Variants in PDE4B observed in about 807,000 individuals in gnomAD.
The protein encoded by PDE4B is 3',5'-cyclic-AMP phosphodiesterase 4B.
A neutral mutation model predicts 82.2 loss-of-function variants in PDE4B; 20 were observed. The ratio of observed to expected loss-of-function variants is 0.24; its 90% CI spans 0.17 to 0.35. The LOEUF (loss-of-function observed/expected upper bound fraction) is 0.35. Ranked by LOEUF, PDE4B falls within the 10% of genes least tolerant of loss-of-function variation. The probability of loss-of-function intolerance (pLI) is 1.00; values close to 1 mark genes in which losing one functional copy is unlikely to be tolerated. For synonymous variants in PDE4B, 320 were observed against 318.9 expected (o/e 1.00, Z -0.04); for missense variants, 655 against 907.2 (o/e 0.72, Z 3.57).
chr1:66,141,454 G>A (rs942791762), intron 3 of PDE4B, among the ~76,000 whole-genome samples: 2 of 149,814 alleles, frequency 1.3e-5, no homozygotes, highest in Non-Finnish European at 3.0e-5. Flanking sequence ...TCTTATAGAA[G>A]TAATTTGTTT....
chr1:66,317,999 G>T (rs1365353947), intron 7 of PDE4B, among the ~76,000 whole-genome samples: 1 of 152,176 alleles, frequency 6.6e-6, no homozygotes, highest in East Asian at 1.9e-4. Context: ...TGTGGTTATT[G>T]CCAAACCTGG....
intron 1 of PDE4B, among the ~76,000 whole-genome samples, chr1:65,828,796 T>A (rs1646048203): frequency 6.6e-6 from 1 of 152,070 alleles, no homozygotes; most frequent in Non-Finnish European, 1.5e-5. Flanking sequence ...TTAAAAAGTT[T>A]AAAAAAGTTA....
intron 3 of PDE4B, among the ~76,000 whole-genome samples, chr1:65,949,263 G>A (rs996151256): frequency 1.6e-4 from 25 of 152,160 alleles, no homozygotes; most frequent in Admixed American, 1.6e-3. Context: ...GAATATGGTC[G>A]GTACAGGGTT....
intron 3 of PDE4B, chr1:65,993,171 T>C: frequency 6.5e-7 from 1 of 1,536,734 alleles, no homozygotes; most frequent in Non-Finnish European, 8.9e-7. Context: ...GTATCTACAG[T>C]GCTTTTCAGA....
At chr1:65,928,652 A>G (rs755968518) in intron 3 of PDE4B, among the ~76,000 whole-genome samples, 10 of 152,108 alleles carry the variant, frequency 6.6e-5, no homozygotes, top group African/African-American at 1.2e-4. Flanking sequence ...TCGCAAATCT[A>G]TTTTGCAAGG....
At chr1:66,200,903 AG>A (rs1648861903) in intron 3 of PDE4B, among the ~76,000 whole-genome samples, 1 of 152,146 alleles carries the variant, frequency 6.6e-6, no homozygotes, top group African/African-American at 2.4e-5. Context: ...GTGGTGAGAG[AG>A]GACATCCCTG....
chr1:66,044,751 T>G (rs934268105), intron 3 of PDE4B, among the ~76,000 whole-genome samples: 1 of 151,730 alleles, frequency 6.6e-6, no homozygotes, highest in African/African-American at 2.4e-5. Flanking sequence ...GAATTTATTT[T>G]TAGAAATTTG....
At chr1:66,222,787 G>C (rs533196921) in intron 3 of PDE4B, among the ~76,000 whole-genome samples, 1 of 152,082 alleles carries the variant, frequency 6.6e-6, no homozygotes, top group Non-Finnish European at 1.5e-5. Context: ...AAGAATAGAC[G>C]CTCAAGAAAT....
chr1:66,265,687 A>G (rs1445183984), intron 6 of PDE4B, among the ~76,000 whole-genome samples: 1 of 121,590 alleles, frequency 8.2e-6, no homozygotes, highest in Admixed American at 7.8e-5. Context: ...ATTGAGATTC[A>G]CTCTGGCATT....
At chr1:66,298,719 A>G (rs1325509873) in intron 7 of PDE4B, among the ~76,000 whole-genome samples, 2 of 152,026 alleles carry the variant, frequency 1.3e-5, no homozygotes, top group South Asian at 2.1e-4. Flanking sequence ...TTAGTTTTCC[A>G]CTTGTACAAA....
intron 13 of PDE4B, 62 bp downstream of exon 13, chr1:66,365,828 C>T (rs917941262): frequency 2.2e-6 from 2 of 925,718 alleles, no homozygotes; most frequent in African/African-American, 3.3e-5. Flanking sequence ...TAATTTTTTT[C>T]CTCCTAATGT....
At chr1:66,317,072 T>A (rs1223975790) in intron 7 of PDE4B, among the ~76,000 whole-genome samples, 1 of 152,224 alleles carries the variant, frequency 6.6e-6, no homozygotes, top group Non-Finnish European at 1.5e-5. Context: ...ACCTGAGGCC[T>A]AATTTTATAT....
intron 3 of PDE4B, among the ~76,000 whole-genome samples, chr1:66,095,337 A>G (rs1202118720): frequency 5.3e-5 from 8 of 151,920 alleles, no homozygotes; most frequent in Non-Finnish European, 4.4e-5. Context: ...GTAGAGAGAA[A>G]TAAATGATGT....
chr1:66,283,607 T>C (rs1656450081), intron 7 of PDE4B, among the ~76,000 whole-genome samples: 1 of 152,148 alleles, frequency 6.6e-6, no homozygotes, highest in Non-Finnish European at 1.5e-5. Context: ...TAAGTATAAT[T>C]TGGAATTTTT....
At chr1:66,265,896 T>G (rs113431941) in intron 6 of PDE4B, 142 bp from the exon 7 acceptor site, 3 of 666,206 alleles carry the variant, frequency 4.5e-6, no homozygotes, top group African/African-American at 3.6e-5. Context: ...TACAGGAGCT[T>G]GCCTTCCGGA....
At chr1:66,032,194 C>T (rs577557096) in intron 3 of PDE4B, among the ~76,000 whole-genome samples, 6 of 152,246 alleles carry the variant, frequency 3.9e-5, no homozygotes, top group Admixed American at 2.0e-4. Flanking sequence ...TGAAATAATG[C>T]ATAAGAAGTA....
chr1:65,825,226 C>T (rs530324568), intron 1 of PDE4B, among the ~76,000 whole-genome samples: 4 of 152,212 alleles, frequency 2.6e-5, no homozygotes, highest in African/African-American at 9.6e-5. Context: ...CTCTTCCCCA[C>T]CTCCCCTTTT....
chr1:66,271,437 T>C (rs1293137824), intron 7 of PDE4B, among the ~76,000 whole-genome samples: 2 of 152,222 alleles, frequency 1.3e-5, no homozygotes, highest in East Asian at 3.8e-4. Flanking sequence ...ATTTCAGTTA[T>C]GCTATTGACG....
intron 3 of PDE4B, among the ~76,000 whole-genome samples, chr1:66,146,945 G>A (rs1646286451): frequency 6.6e-6 from 1 of 152,094 alleles, no homozygotes; most frequent in Admixed American, 6.5e-5. Context: ...CTAATGAGCT[G>A]TATGCAACTC....
Sources: gnomAD v4.1 joint callset for allele counts (sites outside exome capture counted in the v4.1 genomes callset) on GRCh38, gnomAD v4.1.1 for gene constraint, MANE v1.5 for transcripts, NCBI Gene and HGNC (gene_info 2026-07-23, HGNC 2026-07-21) for gene names.